The following STOX2 variants were observed in gnomAD, a reference collection of about 807,000 sequenced individuals.
STOX2 encodes storkhead box 2, also known as storkhead-box protein 2.
A neutral mutation model predicts 60.9 loss-of-function variants in STOX2; 28 were observed. The ratio of observed to expected loss-of-function variants is 0.46; its 90% CI spans 0.34 to 0.63. The LOEUF (loss-of-function observed/expected upper bound fraction) is 0.63, where lower values mean the gene tolerates loss of function less well. Among genes scored for constraint, STOX2 ranks in the 30% least tolerant of loss-of-function variants. The probability of loss-of-function intolerance (pLI) is 0.01; values close to 1 mark genes in which losing one functional copy is unlikely to be tolerated. For synonymous variants in STOX2, 472 were observed against 463.9 expected (o/e 1.02, Z -0.22); for missense variants, 1,024 against 1,187.7 (o/e 0.86, Z 2.03).
intron 1 of STOX2, among the ~76,000 whole-genome samples, chr4:183,943,577 C>T (rs555653962): frequency 5.9e-5 from 9 of 152,232 alleles, no homozygotes; most frequent in African/African-American, 1.7e-4. Context: ...GAATTTCAAA[C>T]GTACGAGAAG....
intron 1 of STOX2, among the ~76,000 whole-genome samples, chr4:183,817,151 A>G (rs1008803875): frequency 1.9e-4 from 29 of 152,360 alleles, no homozygotes; most frequent in African/African-American, 6.7e-4. Flanking sequence ...TGGTGTCCAC[A>G]TTCTTGGAAG....
At chr4:183,953,962 T>C (rs1229087846) in intron 1 of STOX2, among the ~76,000 whole-genome samples, 1 of 152,166 alleles carries the variant, frequency 6.6e-6, no homozygotes, top group Non-Finnish European at 1.5e-5. Flanking sequence ...AATAGATGTA[T>C]GCGACATGAG....
chr4:183,949,051 C>A (rs1319439042), intron 1 of STOX2, among the ~76,000 whole-genome samples: 10 of 152,056 alleles, frequency 6.6e-5, no homozygotes, highest in Non-Finnish European at 1.5e-4. Flanking sequence ...AAGCAGAGGT[C>A]CACACAGTAG....
At chr4:183,798,082 C>A in intron 1 of STOX2, 1 of 1,225,834 alleles carries the variant, frequency 8.2e-7, no homozygotes, top group Non-Finnish European at 1.0e-6. Flanking sequence ...CGCGCCCGTC[C>A]CGTCCCTTCC....
At position 183,808,616 on chromosome 4, in the gene STOX2, T is replaced by C. The variant is rs199959862; in HGVS notation, c.364+10561T>C. On this transcript the variant is annotated intron_variant, in intron 1 of 2. Transcript: ENST00000513034. ...AGCAGTACGTTTTAAATATAGGAAA[T>C]GCAGTAATGTAGAAAAACAAAAGCA... Among the ~76,000 whole-genome samples, 14 of 152,310 alleles carry C rather than the reference T, an allele frequency of 9.2e-5. 1 individual carries two copies. In the East Asian group the frequency reaches 2.3e-3, roughly 25 times the overall value.
chr4:184,009,984 C>G lies in STOX2; in HGVS notation c.1146C>G (p.Asp382Glu). 2 of 1,613,912 alleles carry G rather than the reference C, an allele frequency of 1.2e-6. No homozygotes were observed. The highest frequency in any genetic ancestry group is 1.7e-6 in the Non-Finnish European group (2 of 1,179,866). ...SHSKTRVSKG[D>E]PSDGSHLDIP... ...GCAAGACACGGGTGTCTAAAGGAGA[C>G]CCTTCCGACGGTTCACATCTGGATA... Residue 382 changes from aspartate (D) to glutamate (E), a missense_variant, in exon 3 of 4, where the codon GAC (aspartate) becomes GAG (glutamate). Asp to Glu is a conservative substitution (Grantham distance 45). Transcript: ENST00000308497. The surrounding 1 kb of genome is among the most constrained non-coding windows in gnomAD (Gnocchi z 4.0).
Position 184,009,559 on chromosome 4 carries a change from A to G in STOX2, c.721A>G (p.Lys241Glu), listed in dbSNP as rs1316500173. Residue 241 changes from lysine to glutamate, a missense_variant, in exon 3 of 4, where the codon AAA (lysine) becomes GAA (glutamate). This residue lies in a region of STOX2 where 922 missense variants were observed against 1,058.3 expected (regional missense o/e 0.87). Transcript: ENST00000308497. The surrounding 1 kb of genome is among the most constrained non-coding windows in gnomAD (Gnocchi z 4.0). ...LCQVPPTEKS[K>E]STVNFSYKTE... is the part of the protein sequence containing the mutation. ...CCAGGTGCCACCCACTGAAAAGAGC[A>G]AAAGTACTGTAAATTTTTCCTATAA... The G allele has an allele frequency of 6.2e-7, 1 of 1,613,952 alleles. No individual in the cohort carries two copies. Among genetic ancestry groups the G allele is most frequent in the Non-Finnish European group, 8.5e-7 (1 of 1,179,860 alleles).
chr4:183,895,079 G>A (rs921416635), intron 1 of STOX2, among the ~76,000 whole-genome samples: 1 of 152,178 alleles, frequency 6.6e-6, no homozygotes, highest in African/African-American at 2.4e-5. Context: ...GAGTGAGGCA[G>A]GAGAGTACAA....
chr4:184,001,024 C>T lies in STOX2; in HGVS notation c.167-301C>T, dbSNP rs910918793. Among the ~76,000 whole-genome samples the T allele has an allele frequency of 3.3e-5, 5 of 151,920 alleles. No homozygotes were observed. The highest frequency in any genetic ancestry group is 5.9e-5 in the Non-Finnish European group (4 of 68,022). ...TAAATCAGCTCCAAGTTAATAAAAA[C>T]GGAAATAAAAGCCTGTTGTTGCAAG... is the stretch of plus-strand genomic sequence containing the variant. On this transcript the variant is annotated intron_variant, in intron 1 of 3. Transcript: ENST00000308497. The surrounding 1 kb of genome is among the most constrained non-coding windows in gnomAD (Gnocchi z 4.2).
intron 1 of STOX2, among the ~76,000 whole-genome samples, chr4:183,801,913 A>G (rs1738772041): frequency 6.6e-6 from 1 of 152,216 alleles, no homozygotes; most frequent in Non-Finnish European, 1.5e-5. Context: ...AAGAAATAGG[A>G]GCACTAGCTA....
At chr4:183,957,508 T>C (rs1743285891) in intron 1 of STOX2, among the ~76,000 whole-genome samples, 1 of 151,978 alleles carries the variant, frequency 6.6e-6, no homozygotes, top group Non-Finnish European at 1.5e-5. Flanking sequence ...CACTGTCCTT[T>C]CTAAGCACTC....
intron 1 of STOX2, among the ~76,000 whole-genome samples, chr4:183,927,706 A>G (rs1742285186): frequency 6.6e-6 from 1 of 152,100 alleles, no homozygotes; most frequent in Non-Finnish European, 1.5e-5. Flanking sequence ...GATGTTTTTG[A>G]TAGGAGGTAG....
rs543357808 is a variant in STOX2 at position 183,826,773 on chromosome 4, C to T, written c.364+28718C>T. Among the ~76,000 whole-genome samples the T allele has an allele frequency of 4.6e-5, 7 of 152,322 alleles. No individual in the cohort carries two copies. In the East Asian group the frequency reaches 1.4e-3, roughly 29 times the overall value. Reference sequence around the variant, plus strand: ...GTTTGGACAAATGCTATTTCTCTTTCTTTTCTCTGCGTCTGGAATCGCCAG... The same window carrying T: ...GTTTGGACAAATGCTATTTCTCTTTTTTTTCTCTGCGTCTGGAATCGCCAG... On this transcript the variant is annotated intron_variant, in intron 1 of 2. Transcript: ENST00000513034.
intron 1 of STOX2, among the ~76,000 whole-genome samples, chr4:183,980,802 G>A (rs1413918209): frequency 6.6e-6 from 1 of 151,574 alleles, no homozygotes; most frequent in Non-Finnish European, 1.5e-5. Flanking sequence ...TGATTCTATT[G>A]CTATGTCTGC....
At chr4:183,839,467 T>C (rs1299183605) in intron 1 of STOX2, among the ~76,000 whole-genome samples, 1 of 152,200 alleles carries the variant, frequency 6.6e-6, no homozygotes, top group Non-Finnish European at 1.5e-5. Flanking sequence ...TCTGAACCAC[T>C]TGAGGGCACC....
At chr4:183,927,587 T>G (rs563420401) in intron 1 of STOX2, among the ~76,000 whole-genome samples, 1 of 152,030 alleles carries the variant, frequency 6.6e-6, no homozygotes, top group African/African-American at 2.4e-5. Context: ...TTTTAAATAG[T>G]GTGTTTAAAA....
chr4:183,921,392 C>G (rs1742095204), intron 1 of STOX2, among the ~76,000 whole-genome samples: 1 of 152,116 alleles, frequency 6.6e-6, no homozygotes. Flanking sequence ...GATCAGTGAA[C>G]TGGTTTAGAG....
intron 1 of STOX2, among the ~76,000 whole-genome samples, chr4:183,982,278 A>G (rs1048822908): frequency 6.6e-6 from 1 of 152,234 alleles, no homozygotes; most frequent in Non-Finnish European, 1.5e-5. Flanking sequence ...TCTTCACTTC[A>G]TGTTCATAGT....
chr4:183,815,537 C>T (rs1220885448), intron 1 of STOX2, among the ~76,000 whole-genome samples: 1 of 152,040 alleles, frequency 6.6e-6, no homozygotes, highest in African/African-American at 2.4e-5. Flanking sequence ...TGGACAATTA[C>T]AAAAAGCCAG....
Sources: gnomAD v4.1 joint callset for allele counts (sites outside exome capture counted in the v4.1 genomes callset) on GRCh38, gnomAD v4.1.1 for gene constraint, gnomAD v4.1.1 regional missense constraint, Gnocchi (gnomAD v3.1) non-coding constraint, MANE v1.5 for transcripts, NCBI Gene and HGNC (gene_info 2026-07-23, HGNC 2026-07-21) for gene names.